PCDHGB6: variants seen among roughly 807,000 people sequenced by gnomAD.
The protein encoded by PCDHGB6 is protocadherin gamma-B6.
In PCDHGB6, 51 loss-of-function variants were observed where a neutral mutation model predicts 59.1. The ratio of observed to expected loss-of-function variants is 0.86; its 90% CI spans 0.69 to 1.09. The LOEUF (loss-of-function observed/expected upper bound fraction) is 1.09, where lower values mean the gene tolerates loss of function less well. Ranked by LOEUF, PCDHGB6 falls within the 50% of genes least tolerant of loss-of-function variation. PCDHGB6 has a pLI of 0.00. For synonymous variants in PCDHGB6, 466 were observed against 495.1 expected (o/e 0.94, Z 0.78); for missense variants, 1,148 against 1,205.1 (o/e 0.95, Z 0.70).
chr5:141,509,060 T>G (rs2099874519), intron 3 of PCDHGB6, among the ~76,000 whole-genome samples: 1 of 152,216 alleles, frequency 6.6e-6, no homozygotes, highest in Middle Eastern at 3.4e-3. Flanking sequence ...CAGAAAGCTC[T>G]CAGCTCCGGG....
In PCDHGB6 at chr5:141,489,574, C is replaced by T. The variant is rs963768096; in HGVS notation, c.2419-5233C>T. The T allele has an allele frequency of 2.5e-6, 4 of 1,613,978 alleles. No homozygotes were observed. The highest frequency in any genetic ancestry group is 3.4e-6 in the Non-Finnish European group (4 of 1,180,014). ...GCTGCCAGTGCAGGTGGTGACTGAA[C>T]ACCCCCTGGAGCTAATCCGTGTAGA... On this transcript the variant is annotated intron_variant, in intron 1 of 3. Coordinates refer to ENST00000520790, the MANE Select transcript of PCDHGB6 (RefSeq NM_018926.3). This position sits in a 1 kb window ranked among gnomAD's most constrained non-coding sequence, Gnocchi z 4.5.
intron 1 of PCDHGB6, among the ~76,000 whole-genome samples, chr5:141,448,700 G>A (rs2098601460): frequency 6.6e-6 from 1 of 152,106 alleles, no homozygotes; most frequent in African/African-American, 2.4e-5. Context: ...CAGCACTTTG[G>A]GAGGCCGAGG....
At chr5:141,420,672 G>T (rs1478670282) in intron 1 of PCDHGB6, among the ~76,000 whole-genome samples, 1 of 152,296 alleles carries the variant, frequency 6.6e-6, no homozygotes, top group African/African-American at 2.4e-5. Flanking sequence ...CCTACCTGAT[G>T]ATTTTATCGG....
At position 141,409,201 on chromosome 5, in the gene PCDHGB6, A is replaced by G. The variant is rs2095240333; in HGVS notation, c.999A>G (p.Val333=). 1 of 1,614,044 alleles carries G rather than the reference A, an allele frequency of 6.2e-7. No individual in the cohort carries two copies. Among genetic ancestry groups the G allele is most frequent in the Non-Finnish European group, 8.5e-7 (1 of 1,179,906 alleles). Reference sequence around the variant, plus strand: ...GTGGTCTCTCTACCCAGTGTAAAGTAATCATAGAAATCCTTGATGAAAACG... The same window carrying G: ...GTGGTCTCTCTACCCAGTGTAAAGTGATCATAGAAATCCTTGATGAAAACG... The part of the protein sequence containing the change: ...DGGGLSTQCK[V]IIEILDENDN... Residue 333 remains valine, a synonymous_variant, in exon 1 of 4, where the codon GTA becomes GTG. Transcript: ENST00000520790.
chr5:141,419,981 A>G (rs2096455772), intron 1 of PCDHGB6: 2 of 1,613,934 alleles, frequency 1.2e-6, no homozygotes, highest in East Asian at 2.2e-5. Flanking sequence ...CCTCGCGGTG[A>G]TTCTAGCTAT....
intron 1 of PCDHGB6, chr5:141,415,947 C>G: frequency 1.9e-6 from 1 of 532,382 alleles, no homozygotes; most frequent in Non-Finnish European, 2.8e-6. Flanking sequence ...CCTGGGTGGT[C>G]ACATATTGAA....
intron 3 of PCDHGB6, among the ~76,000 whole-genome samples, chr5:141,509,532 A>C (rs2099877210): frequency 6.6e-6 from 1 of 152,124 alleles, no homozygotes; most frequent in African/African-American, 2.4e-5. Flanking sequence ...GCACAGGATG[A>C]AGCACCATCT....
At chr5:141,448,802 A>G (rs897172074) in intron 1 of PCDHGB6, among the ~76,000 whole-genome samples, 14 of 152,044 alleles carry the variant, frequency 9.2e-5, no homozygotes, top group Non-Finnish European at 1.8e-4. Flanking sequence ...AAAATTAGCC[A>G]GGCGTGATGG....
rs754537015 is a variant in PCDHGB6 at position 141,431,184 on chromosome 5, T to C, written c.2418+20564T>C. The C allele has an allele frequency of 2.5e-6, 4 of 1,614,090 alleles. No individual in the cohort carries two copies. In the South Asian group the frequency reaches 3.3e-5, roughly 13 times the overall value. ...CGTGAAAGTGAATTAGAAATAAAAATTAGTGAAAATGCAGCCACTGAGATG... is the reference window on the plus strand; with the variant it reads ...CGTGAAAGTGAATTAGAAATAAAAACTAGTGAAAATGCAGCCACTGAGATG... On this transcript the variant is annotated intron_variant, in intron 1 of 3. Coordinates refer to ENST00000520790, the MANE Select transcript of PCDHGB6 (RefSeq NM_018926.3). This position sits in a 1 kb window ranked among gnomAD's most constrained non-coding sequence, Gnocchi z 4.8.
intron 1 of PCDHGB6, among the ~76,000 whole-genome samples, chr5:141,482,592 C>T (rs187714622): frequency 1.0e-4 from 15 of 142,934 alleles, no homozygotes; most frequent in East Asian, 6.1e-4. Context: ...TGGGACCAAA[C>T]GGGAAAAAAC....
chr5:141,458,594 G>A (rs1226490392), intron 1 of PCDHGB6, among the ~76,000 whole-genome samples: 2 of 151,612 alleles, frequency 1.3e-5, no homozygotes, highest in South Asian at 2.1e-4. Flanking sequence ...TTTTGGAGAC[G>A]AGTCTCACTC....
rs2097383894 is a variant in PCDHGB6, at chr5:141,431,489, C to T, written c.2418+20869C>T. On this transcript the variant is annotated intron_variant, in intron 1 of 3. Transcript: ENST00000520790. This position sits in a 1 kb window ranked among gnomAD's most constrained non-coding sequence, Gnocchi z 4.8. ...GAACGACAACGCACCAGCGTTTGCTCAGCCCGAGTACCGCGCGAGCGTTCC... is the reference window on the plus strand; with the variant it reads ...GAACGACAACGCACCAGCGTTTGCTTAGCCCGAGTACCGCGCGAGCGTTCC... The T allele has an allele frequency of 1.2e-6, 2 of 1,613,850 alleles. No homozygotes were observed. The highest frequency in any genetic ancestry group is 3.3e-5 in the Admixed American group (2 of 60,016).
chr5:141,487,438 G>A lies in PCDHGB6; in HGVS notation c.2419-7369G>A, dbSNP rs2154580826. 6 of 1,614,174 alleles carry A rather than the reference G, an allele frequency of 3.7e-6. No individual in the cohort carries two copies. Among genetic ancestry groups the A allele is most frequent in the East Asian group, 2.2e-5 (1 of 44,866 alleles). On this transcript the variant is annotated intron_variant, in intron 1 of 3. Transcript: ENST00000520790. This position sits in a 1 kb window ranked among gnomAD's most constrained non-coding sequence, Gnocchi z 5.0. The stretch of plus-strand genomic sequence containing the variant: ...ATGGGATCCTCCGAATCCAGCTAGG[G>A]TCAGATGACCCTATCAAGTTTGTTG...
chr5:141,495,109 C>A (rs1445945970), intron 2 of PCDHGB6, among the ~76,000 whole-genome samples: 3 of 152,278 alleles, frequency 2.0e-5, no homozygotes, highest in South Asian at 2.1e-4. Context: ...CGACCGGCAC[C>A]TTTTCCTATC....
intron 1 of PCDHGB6, chr5:141,415,889 T>C: frequency 2.1e-6 from 2 of 942,152 alleles, no homozygotes; most frequent in Non-Finnish European, 2.9e-6. Context: ...TATTGACAAT[T>C]CCTAAGACAG....
intron 1 of PCDHGB6, among the ~76,000 whole-genome samples, chr5:141,420,650 A>G (rs2096512866): frequency 6.6e-6 from 1 of 152,244 alleles, no homozygotes; most frequent in Non-Finnish European, 1.5e-5. Context: ...TGTAAGAATT[A>G]TAGTTAGGCA....
chr5:141,415,078 G>T (rs780547982), intron 1 of PCDHGB6: 2 of 1,613,376 alleles, frequency 1.2e-6, no homozygotes, highest in Non-Finnish European at 8.5e-7. Context: ...CACGGCGCGA[G>T]CCCTGCTGGA....
intron 2 of PCDHGB6, among the ~76,000 whole-genome samples, chr5:141,496,856 G>A (rs1324235700): frequency 6.7e-6 from 1 of 150,206 alleles, no homozygotes; most frequent in African/African-American, 2.5e-5. Context: ...CAGACCAGCA[G>A]AGGAGACTGA....
In PCDHGB6 at chr5:141,485,417, G is replaced by A. The variant is rs1340790133; in HGVS notation, c.2419-9390G>A. The A allele has an allele frequency of 1.2e-6, 2 of 1,614,166 alleles. No homozygotes were observed. Among genetic ancestry groups the A allele is most frequent in the Non-Finnish European group, 8.5e-7 (1 of 1,180,038 alleles). ...ACACTTCCGTGTGGATTTGGACAGCGGAGCCCTGCTCATCAAGAACCCAAT... is the reference window on the plus strand; with the variant it reads ...ACACTTCCGTGTGGATTTGGACAGCAGAGCCCTGCTCATCAAGAACCCAAT... On this transcript the variant is annotated intron_variant, in intron 1 of 3. Coordinates refer to ENST00000520790, the MANE Select transcript of PCDHGB6 (RefSeq NM_018926.3). The surrounding 1 kb of genome is among the most constrained non-coding windows in gnomAD (Gnocchi z 5.7).
Sources: gnomAD v4.1 joint callset for allele counts (sites outside exome capture counted in the v4.1 genomes callset) on GRCh38, gnomAD v4.1.1 for gene constraint, Gnocchi (gnomAD v3.1) non-coding constraint, MANE v1.5 for transcripts, NCBI Gene and HGNC (gene_info 2026-07-23, HGNC 2026-07-21) for gene names.